Variants in EYS observed in about 807,000 individuals in gnomAD.
The protein encoded by EYS is EGF-like photoreceptor maintenance factor, also known as protein eyes shut homolog.
A neutral mutation model predicts 282.1 loss-of-function variants in EYS; 250 were observed. The ratio of observed to expected loss-of-function variants is 0.89; its 90% CI spans 0.80 to 0.98. The LOEUF is 0.98. EYS is among the 50% of genes least tolerant of loss of function. The pLI is 0.00. For synonymous variants in EYS, 1,355 were observed against 1,282.9 expected (o/e 1.06, Z -1.20); for missense variants, 4,016 against 3,709.0 (o/e 1.08, Z -2.15).
chr6:65,168,823 C>G (rs1231253610), intron 12 of EYS, among the ~76,000 whole-genome samples: 1 of 151,234 alleles, frequency 6.6e-6, no homozygotes, highest in Non-Finnish European at 1.5e-5. Context: ...GAAAATATCC[C>G]CTCTCTTCCT....
intron 35 of EYS, among the ~76,000 whole-genome samples, chr6:63,930,563 G>A (rs1270823589): frequency 6.6e-6 from 1 of 151,900 alleles, no homozygotes; most frequent in African/African-American, 2.4e-5. Context: ...TCAAATCATT[G>A]TTTTTTTAAC....
chr6:64,093,925 C>T (rs2150253677), intron 31 of EYS, among the ~76,000 whole-genome samples: 1 of 152,156 alleles, frequency 6.6e-6, no homozygotes, highest in East Asian at 1.9e-4. Flanking sequence ...TTGAGATACG[C>T]CCCATCAATA....
At chr6:65,696,352 G>C (rs1321680994) in intron 1 of EYS, among the ~76,000 whole-genome samples, 2 of 151,876 alleles carry the variant, frequency 1.3e-5, no homozygotes, top group Non-Finnish European at 2.9e-5. Context: ...ACAATTCGTT[G>C]TTTTCAAATT....
intron 13 of EYS, among the ~76,000 whole-genome samples, chr6:65,000,232 T>C (rs1156508653): frequency 6.6e-6 from 1 of 152,154 alleles, no homozygotes; most frequent in Non-Finnish European, 1.5e-5. Context: ...ACTCCCCCTG[T>C]CACACACCCT....
At chr6:65,186,004 T>C (rs1377835859) in intron 12 of EYS, among the ~76,000 whole-genome samples, 2 of 151,894 alleles carry the variant, frequency 1.3e-5, no homozygotes, top group Non-Finnish European at 2.9e-5. Flanking sequence ...CTTTACAAAT[T>C]ACTTCTCTTC....
intron 13 of EYS, among the ~76,000 whole-genome samples, chr6:65,014,777 C>G (rs1771989931): frequency 6.6e-6 from 1 of 152,140 alleles, no homozygotes; most frequent in African/African-American, 2.4e-5. Flanking sequence ...CACTACCTCC[C>G]TGTTGAAGAT....
At chr6:64,606,333 C>T (rs940679744) in intron 24 of EYS, among the ~76,000 whole-genome samples, 2 of 151,974 alleles carry the variant, frequency 1.3e-5, no homozygotes, top group Non-Finnish European at 2.9e-5. Context: ...CTACACTTGA[C>T]CTCCTATATA....
rs565946381 is a variant in EYS at position 64,981,205 on chromosome 6, G to T, written c.2259+16377C>A. 2.3e-4 allele frequency among the ~76,000 whole-genome samples: 35 copies of T among 151,334 alleles called. 1 individual carries two copies. In the East Asian group the frequency reaches 6.6e-3, roughly 29 times the overall value. The stretch of plus-strand genomic sequence containing the variant: ...AATAATAAACATTCCTGGCTTTCAA[G>T]AACTGACATGAGAAAAAGAATACGT... On this transcript the variant is annotated intron_variant, in intron 14 of 42. Transcript: ENST00000503581.
chr6:65,595,256 G>A (rs1765367777), intron 2 of EYS, among the ~76,000 whole-genome samples: 1 of 152,006 alleles, frequency 6.6e-6, no homozygotes, highest in Non-Finnish European at 1.5e-5. Context: ...ACTCATAGGT[G>A]GGAACTGAAC....
At chr6:64,177,226 A>G (rs1272710876) in intron 31 of EYS, among the ~76,000 whole-genome samples, 1 of 151,606 alleles carries the variant, frequency 6.6e-6, no homozygotes, top group Non-Finnish European at 1.5e-5. Flanking sequence ...TCCTGAAAAC[A>G]TCCATTTTTT....
chr6:65,543,490 T>C (rs1768258920), intron 2 of EYS, among the ~76,000 whole-genome samples: 1 of 148,636 alleles, frequency 6.7e-6, no homozygotes, highest in African/African-American at 2.4e-5. Flanking sequence ...TATATCTATA[T>C]ATATATAAAA....
intron 22 of EYS, among the ~76,000 whole-genome samples, chr6:64,677,442 C>T (rs1316512835): frequency 6.6e-6 from 1 of 152,096 alleles, no homozygotes; most frequent in Non-Finnish European, 1.5e-5. Context: ...AGATCTAAGA[C>T]CAAATTAAAT....
chr6:65,651,310 A>G (rs1482489453), intron 1 of EYS, among the ~76,000 whole-genome samples: 1 of 152,030 alleles, frequency 6.6e-6, no homozygotes, highest in Non-Finnish European at 1.5e-5. Flanking sequence ...GGTCTAAAAT[A>G]TATATACTTA....
chr6:64,528,110 T>C (rs1256011454), intron 26 of EYS, among the ~76,000 whole-genome samples: 1 of 151,942 alleles, frequency 6.6e-6, no homozygotes, highest in African/African-American at 2.4e-5. Context: ...ATGTCAGCAA[T>C]TTGAATGACT....
intron 26 of EYS, among the ~76,000 whole-genome samples, chr6:64,554,066 T>G (rs1206668536): frequency 2.0e-5 from 3 of 152,140 alleles, no homozygotes; most frequent in Non-Finnish European, 4.4e-5. Flanking sequence ...ACACAGGATT[T>G]TTTATTTTAT....
At chr6:64,884,519 A>G (rs907027055) in intron 19 of EYS, among the ~76,000 whole-genome samples, 1 of 151,594 alleles carries the variant, frequency 6.6e-6, no homozygotes, top group Non-Finnish European at 1.5e-5. Context: ...GGAACAACCT[A>G]AAAATGAATA....
chr6:64,464,239 G>A (rs934627608), intron 26 of EYS, among the ~76,000 whole-genome samples: 3 of 152,092 alleles, frequency 2.0e-5, no homozygotes, highest in Admixed American at 1.3e-4. Flanking sequence ...CATTTGACAA[G>A]ACTCAACATT....
chr6:65,691,449 T>C (rs1436529523), intron 1 of EYS, among the ~76,000 whole-genome samples: 2 of 150,422 alleles, frequency 1.3e-5, no homozygotes, highest in African/African-American at 4.8e-5. Context: ...TTACTGTAAA[T>C]TTGTTTAAGT....
At chr6:65,115,403 C>T (rs1775337127) in intron 12 of EYS, among the ~76,000 whole-genome samples, 1 of 151,916 alleles carries the variant, frequency 6.6e-6, no homozygotes, top group Admixed American at 6.6e-5. Flanking sequence ...TGCTTTTGCT[C>T]ATGTCCCCAC....
Sources: gnomAD v4.1 joint callset for allele counts (sites outside exome capture counted in the v4.1 genomes callset) on GRCh38, gnomAD v4.1.1 for gene constraint, MANE v1.5 for transcripts, NCBI Gene and HGNC (gene_info 2026-07-23, HGNC 2026-07-21) for gene names.